The following PLXDC2 variants were observed in gnomAD, a reference collection of about 807,000 sequenced individuals.
PLXDC2 encodes the protein plexin domain-containing protein 2.
Under a neutral mutation model 68.9 loss-of-function variants are expected in PLXDC2, and 40 were observed. The ratio of observed to expected loss-of-function variants is 0.58; its 90% CI spans 0.45 to 0.76. PLXDC2 has a LOEUF of 0.76. Among genes scored for constraint, PLXDC2 ranks in the 30% least tolerant of loss-of-function variants. The pLI is 0.00. For synonymous variants in PLXDC2, 243 were observed against 234.2 expected (o/e 1.04, Z -0.34); for missense variants, 644 against 661.9 (o/e 0.97, Z 0.30).
intron 1 of PLXDC2, among the ~76,000 whole-genome samples, chr10:19,854,082 G>A (rs2131328899): frequency 6.6e-6 from 1 of 152,252 alleles, no homozygotes. Flanking sequence ...ATTTACCGTA[G>A]TGACAGGAGA....
chr10:19,936,031 C>T (rs1343400235), intron 1 of PLXDC2, among the ~76,000 whole-genome samples: 3 of 152,140 alleles, frequency 2.0e-5, no homozygotes, highest in South Asian at 2.1e-4. Flanking sequence ...AATTTGAAAT[C>T]GTTGAGAAAC....
At chr10:20,203,709 C>G (rs996886226) in intron 9 of PLXDC2, among the ~76,000 whole-genome samples, 3 of 152,012 alleles carry the variant, frequency 2.0e-5, no homozygotes, top group Admixed American at 2.0e-4. Context: ...TAGGGCTACT[C>G]TAGATTCTAG....
At chr10:20,158,715 T>A (rs1010423956) in intron 6 of PLXDC2, among the ~76,000 whole-genome samples, 2 of 151,644 alleles carry the variant, frequency 1.3e-5, no homozygotes, top group Non-Finnish European at 2.9e-5. Flanking sequence ...AAAAGTAGTT[T>A]ATTTTAAATG....
intron 4 of PLXDC2, among the ~76,000 whole-genome samples, chr10:20,070,440 T>A (rs1417834148): frequency 6.6e-6 from 1 of 152,182 alleles, no homozygotes; most frequent in African/African-American, 2.4e-5. Context: ...ACTTCAATAG[T>A]GAAACTTAAA....
chr10:20,184,914 C>T (rs1314825278), intron 9 of PLXDC2, among the ~76,000 whole-genome samples: 4 of 151,590 alleles, frequency 2.6e-5, no homozygotes, highest in African/African-American at 9.7e-5. Context: ...AACCAAACAC[C>T]GCATGTTCTC....
chr10:20,023,602 T>C (rs1378539705), intron 2 of PLXDC2, among the ~76,000 whole-genome samples: 3 of 152,122 alleles, frequency 2.0e-5, no homozygotes, highest in African/African-American at 7.2e-5. Context: ...CCTAATCAAA[T>C]GCTGCCCCTT....
At chr10:19,932,786 C>G (rs147445101) in intron 1 of PLXDC2, among the ~76,000 whole-genome samples, 1 of 152,168 alleles carries the variant, frequency 6.6e-6, no homozygotes, top group African/African-American at 2.4e-5. Context: ...TGTTTGAACA[C>G]GACACTTTCC....
In PLXDC2 at chr10:20,012,312, T is replaced by TC; in HGVS notation, c.324+10326_324+10327insC. On this transcript the variant is annotated intron_variant, in intron 2 of 13. Coordinates refer to ENST00000377252, the MANE Select transcript of PLXDC2 (RefSeq NM_032812.9). Reference sequence around the variant, plus strand: ...CTCTCTCTCTCTCTCTCTTTTTTATTTTTTTTTTTTTTTTTTTTTTTTGGA... The same window carrying TC: ...CTCTCTCTCTCTCTCTCTTTTTTATTCTTTTTTTTTTTTTTTTTTTTTTGGA... Among the ~76,000 whole-genome samples, 2 of 18,816 alleles carry TC rather than the reference T, an allele frequency of 1.1e-4. 1 individual carries two copies. Among genetic ancestry groups the TC allele is most frequent in the Non-Finnish European group, 2.8e-4 (2 of 7,192 alleles). 12.3% of individuals were successfully genotyped at this position (18,816 alleles called of 152,430 possible).
At chr10:20,158,644 C>A (rs549526041) in intron 6 of PLXDC2, among the ~76,000 whole-genome samples, 1 of 151,448 alleles carries the variant, frequency 6.6e-6, no homozygotes, top group East Asian at 1.9e-4. Flanking sequence ...GCCTGGGCAA[C>A]AGAATGAGAC....
At chr10:20,053,977 A>G (rs771795817) in intron 3 of PLXDC2, among the ~76,000 whole-genome samples, 1 of 152,172 alleles carries the variant, frequency 6.6e-6, no homozygotes, top group Non-Finnish European at 1.5e-5. Context: ...ATTCTTTACA[A>G]CAAAAAAATA....
intron 1 of PLXDC2, among the ~76,000 whole-genome samples, chr10:19,858,751 A>T (rs10764170): frequency 1.3e-5 from 2 of 151,916 alleles, no homozygotes; most frequent in East Asian, 3.9e-4. Flanking sequence ...GGGAGGTAAA[A>T]GGTTTCATAA....
intron 12 of PLXDC2, among the ~76,000 whole-genome samples, chr10:20,224,066 T>C (rs1835254702): frequency 6.6e-6 from 1 of 151,810 alleles, no homozygotes; most frequent in Admixed American, 6.6e-5. Flanking sequence ...CCTCCACCTT[T>C]TGGTTCAAGC....
intron 3 of PLXDC2, among the ~76,000 whole-genome samples, chr10:20,047,341 G>A (rs560165737): frequency 6.6e-6 from 1 of 152,004 alleles, no homozygotes; most frequent in African/African-American, 2.4e-5. Context: ...ATCCATGAGT[G>A]TATAGAACAT....
intron 2 of PLXDC2, among the ~76,000 whole-genome samples, chr10:20,045,716 T>C (rs1835785341): frequency 6.6e-6 from 1 of 152,178 alleles, no homozygotes; most frequent in African/African-American, 2.4e-5. Context: ...ATCACTTAGA[T>C]GATAAATGAA....
rs181084093 is a variant in PLXDC2 at position 20,207,680 on chromosome 10, C to T, written c.1062-3989C>T. Among the ~76,000 whole-genome samples, 157 of 152,296 alleles carry T rather than the reference C, an allele frequency of 1.0e-3. 1 individual carries two copies. Among genetic ancestry groups the T allele is most frequent in the African/African-American group, 3.6e-3 (151 of 41,564 alleles). ...AGGAGGGAGCACTCATCTAACTCATCTGGAATTAAATAGACTCCACACATC... is the reference window on the plus strand; with the variant it reads ...AGGAGGGAGCACTCATCTAACTCATTTGGAATTAAATAGACTCCACACATC... On this transcript the variant is annotated intron_variant, in intron 9 of 13. Transcript: ENST00000377252.
intron 1 of PLXDC2, among the ~76,000 whole-genome samples, chr10:19,970,339 T>C (rs530094132): frequency 6.6e-6 from 1 of 152,316 alleles, no homozygotes; most frequent in East Asian, 1.9e-4. Flanking sequence ...AGGCTGAATG[T>C]TTTTAAAGTT....
In PLXDC2 at chr10:20,026,865, G is replaced by C. The variant is rs559441756; in HGVS notation, c.325-20004G>C. Among the ~76,000 whole-genome samples the C allele has an allele frequency of 5.0e-5, 7 of 141,152 alleles. No individual in the cohort carries two copies. The South Asian group carries it at 1.6e-3, about 31-fold the overall frequency. The allele number at this position is 141,152 out of a possible 152,430, so 92.6% of individuals were successfully genotyped here. On this transcript the variant is annotated intron_variant, in intron 2 of 13. Transcript: ENST00000377252. Reference sequence around the variant, plus strand: ...CTTTTATAATATATTCTAATATATAGAATACACTTTTATAATATATTCTAA... The same window carrying C: ...CTTTTATAATATATTCTAATATATACAATACACTTTTATAATATATTCTAA...
Position 19,964,569 on chromosome 10 carries a change from G to A in PLXDC2, c.113-37206G>A, listed in dbSNP as rs113749956. 3.5e-3 allele frequency among the ~76,000 whole-genome samples: 526 copies of A among 152,318 alleles called. 5 individuals are homozygous for A. Among genetic ancestry groups the A allele is most frequent in the African/African-American group, 0.011 (466 of 41,566 alleles). On this transcript the variant is annotated intron_variant, in intron 1 of 13. Transcript: ENST00000377252. Reference sequence around the variant, plus strand: ...CACACATCATCCTAGCTATATTCATGTAGTAATGCCTCTGAGCCTTGGGTG... The same window carrying A: ...CACACATCATCCTAGCTATATTCATATAGTAATGCCTCTGAGCCTTGGGTG...
chr10:20,160,853 A>T (rs546356740), intron 6 of PLXDC2, among the ~76,000 whole-genome samples: 1 of 152,238 alleles, frequency 6.6e-6, no homozygotes, highest in African/African-American at 2.4e-5. Context: ...TCTGGGCATG[A>T]TGGTGTGCAC....
Sources: allele counts gnomAD v4.1 joint callset (sites outside exome capture counted in the v4.1 genomes callset), GRCh38; gene constraint gnomAD v4.1.1; transcripts MANE v1.5; gene names NCBI Gene and HGNC (gene_info 2026-07-23, HGNC 2026-07-21).